CASZ1: variants seen among roughly 807,000 people sequenced by gnomAD.
CASZ1 encodes castor zinc finger 1, also known as zinc finger protein castor homolog 1.
In CASZ1, 28 loss-of-function variants were observed where a neutral mutation model predicts 135.2. The ratio of observed to expected loss-of-function variants is 0.21; its 90% CI spans 0.15 to 0.28. CASZ1 has a LOEUF of 0.28. Ranked by LOEUF, CASZ1 falls within the 10% of genes least tolerant of loss-of-function variation. The pLI, the probability that CASZ1 is intolerant of heterozygous loss-of-function variation, is 1.00. For missense variants in CASZ1, 2,161 were observed against 2,453.3 expected, an observed-to-expected ratio of 0.88 and a Z score of 2.52; for synonymous variants, 1,068 against 1,073.4, an observed-to-expected ratio of 0.99 and a Z score of 0.10.
chr1:10,756,690 G>A lies in CASZ1; in HGVS notation c.-77+4011C>T, dbSNP rs577092601. Among the ~76,000 whole-genome samples, 3 of 152,264 alleles carry A rather than the reference G, an allele frequency of 2.0e-5. No individual in the cohort carries two copies. The highest frequency in any genetic ancestry group is 2.1e-4 in the South Asian group (1 of 4,828). On this transcript the variant is annotated intron_variant, in intron 2 of 20. Transcript: ENST00000377022. This position sits in a 1 kb window ranked among gnomAD's most constrained non-coding sequence, Gnocchi z 5.9. The stretch of plus-strand genomic sequence containing the variant: ...AAGGGAGACTGGCCTTCAGGCGAGC[G>A]GGGTACTGGGGCAATTCACACCTTT...
intron 3 of CASZ1, chr1:10,704,183 G>A (rs892532328): frequency 1.3e-5 from 2 of 152,282 alleles, no homozygotes; most frequent in African/African-American, 4.8e-5. Context: ...ACGGCACTCA[G>A]ATCCTCATGG....
At chr1:10,686,486 G>C (rs1638595942) in intron 4 of CASZ1, among the ~76,000 whole-genome samples, 1 of 152,182 alleles carries the variant, frequency 6.6e-6, no homozygotes, top group Non-Finnish European at 1.5e-5. Context: ...AGGGGACCAA[G>C]GGCTGGGGAC....
chr1:10,745,954 C>T (rs545059669), intron 2 of CASZ1, among the ~76,000 whole-genome samples: 7 of 152,354 alleles, frequency 4.6e-5, no homozygotes, highest in East Asian at 1.9e-4. Flanking sequence ...GGCTTCCTCC[C>T]GCCCTGGGGG....
chr1:10,695,940 C>T (rs1057006585), intron 3 of CASZ1, among the ~76,000 whole-genome samples: 10 of 152,122 alleles, frequency 6.6e-5, no homozygotes, highest in African/African-American at 2.4e-4. Flanking sequence ...GCCCTCCTCG[C>T]CTCTCCCAGC....
chr1:10,665,703 G>C, intron 4 of CASZ1, 132 bp from the exon 5 acceptor site: 1 of 1,000,942 alleles, frequency 1.0e-6, no homozygotes, highest in Non-Finnish European at 1.4e-6. Flanking sequence ...ACTGCCCTGA[G>C]ACTGCCTGGC....
intron 1 of CASZ1, among the ~76,000 whole-genome samples, chr1:10,761,819 G>C (rs918136966): frequency 3.3e-5 from 5 of 152,192 alleles, no homozygotes; most frequent in African/African-American, 1.2e-4. Flanking sequence ...TCGTGGATGT[G>C]AGAATGGGGT....
In CASZ1 at chr1:10,725,564, T is replaced by C. The variant is rs943137102; in HGVS notation, c.-76-20020A>G. Among the ~76,000 whole-genome samples, 1 of 152,214 alleles carries C rather than the reference T, an allele frequency of 6.6e-6. No homozygotes were observed. The highest frequency in any genetic ancestry group is 2.1e-4 in the South Asian group (1 of 4,826). On this transcript the variant is annotated intron_variant, in intron 2 of 20. Transcript: ENST00000377022. The surrounding 1 kb of genome is among the most constrained non-coding windows in gnomAD (Gnocchi z 4.4). The stretch of plus-strand genomic sequence containing the variant: ...CAAAAAGAGTTCAGAATTTTAATGG[T>C]GTTGTAAGTAATTTTTAGGTAATCC...
chr1:10,714,193 C>T (rs1026006259), intron 2 of CASZ1, among the ~76,000 whole-genome samples: 8 of 151,934 alleles, frequency 5.3e-5, no homozygotes, highest in African/African-American at 1.9e-4. Flanking sequence ...GTAGTAGTCC[C>T]GCTACTGAGG....
intron 4 of CASZ1, among the ~76,000 whole-genome samples, chr1:10,672,457 C>T (rs957585806): frequency 6.6e-6 from 1 of 150,492 alleles, no homozygotes; most frequent in Non-Finnish European, 1.5e-5. Flanking sequence ...CTTCACTCGC[C>T]AGCCCGCGCT....
chr1:10,779,779 G>C (rs1349205952), intron 1 of CASZ1, among the ~76,000 whole-genome samples: 1 of 152,232 alleles, frequency 6.6e-6, no homozygotes, highest in Admixed American at 6.5e-5. Flanking sequence ...TCCTCGGGAT[G>C]ATAATTTGTA....
At position 10,661,014 on chromosome 1, in the gene CASZ1, G is replaced by A. The variant is rs1428523314; in HGVS notation, c.506-478C>T. 9 of 194,182 alleles carry A rather than the reference G, an allele frequency of 4.6e-5. 1 individual carries two copies. In the East Asian group the frequency reaches 1.3e-3, roughly 28 times the overall value. The allele number at this position is 194,182 out of a possible 1,614,324, so 12.0% of individuals were successfully genotyped here. On this transcript the variant is annotated intron_variant, in intron 5 of 20. Coordinates refer to ENST00000377022, the MANE Select transcript of CASZ1 (RefSeq NM_001079843.3). ...GGGGAAGATGCTCTGGCCGGGGTCGGGGTGGGCCTGGCTGGAGGACCTCCC... is the reference window on the plus strand; with the variant it reads ...GGGGAAGATGCTCTGGCCGGGGTCGAGGTGGGCCTGGCTGGAGGACCTCCC...
intron 1 of CASZ1, among the ~76,000 whole-genome samples, chr1:10,769,449 A>G (rs1461836184): frequency 1.3e-5 from 2 of 152,254 alleles, no homozygotes; most frequent in African/African-American, 2.4e-5. Context: ...CATCAGTGTA[A>G]AAAAGTTAAA....
chr1:10,738,107 C>T (rs1181709771), intron 2 of CASZ1, among the ~76,000 whole-genome samples: 1 of 152,168 alleles, frequency 6.6e-6, no homozygotes, highest in East Asian at 1.9e-4. Context: ...GACGAGCAAT[C>T]GAGCAACTAA....
chr1:10,738,982 T>C (rs553428305), intron 2 of CASZ1, among the ~76,000 whole-genome samples: 3 of 150,660 alleles, frequency 2.0e-5, no homozygotes, highest in Non-Finnish European at 4.4e-5. Flanking sequence ...AGCAATTTTA[T>C]GCTGTCAAAA....
At chr1:10,766,597 C>T (rs148129950) in intron 1 of CASZ1, among the ~76,000 whole-genome samples, 5 of 152,190 alleles carry the variant, frequency 3.3e-5, no homozygotes, top group East Asian at 3.9e-4. Context: ...ACCCGGGTAA[C>T]GAGCAGGTAC....
Position 10,648,143 on chromosome 1 carries a change from C to G in CASZ1, c.3159-4G>C. 3 of 1,484,622 alleles carry G rather than the reference C, an allele frequency of 2.0e-6. No individual in the cohort carries two copies. Among genetic ancestry groups the G allele is most frequent in the East Asian group, 2.5e-5 (1 of 39,900 alleles). 92.0% of individuals were successfully genotyped at this position (1,484,622 alleles called of 1,614,324 possible). A position where few individuals can be genotyped will look rare whatever the true frequency, so the allele number is the denominator to read the frequency against. ...TCCCTCTGTCCGGAAGTGGAAGCTG[C>G]GAGAGGTAGAAGAGGGGGTCTCATG... On this transcript the variant is annotated splice_polypyrimidine_tract_variant and splice_region_variant and intron_variant, in intron 15 of 20. Transcript: ENST00000377022.
chr1:10,654,406 GGCTCCC>G lies in CASZ1; in HGVS notation c.1838+7_1838+12del. On this transcript the variant is annotated splice_region_variant and intron_variant, in intron 10 of 20. Coordinates refer to ENST00000377022, the MANE Select transcript of CASZ1 (RefSeq NM_001079843.3). ...CTTCTGCCCACGAAGGCCCCCACCA[GGCTCCC>G]GCTTACCTGCAGTGGAAGTGCGTGG... The G allele has an allele frequency of 6.2e-7, 1 of 1,611,466 alleles. No individual in the cohort carries two copies. Among genetic ancestry groups the G allele is most frequent in the Admixed American group, 1.7e-5 (1 of 59,854 alleles).
In CASZ1 at chr1:10,640,047, G is replaced by T. The variant is rs775684437; in HGVS notation, c.4175C>A (p.Ser1392Tyr). The change falls in exon 21 of 21, where the codon TCT (serine) becomes TAT (tyrosine). Residue 1392 changes from serine (S) to tyrosine (Y), a missense_variant. This residue lies in a region of CASZ1 where 143 missense variants were observed against 128.3 expected (regional missense o/e 1.11). Coordinates refer to ENST00000377022, the MANE Select transcript of CASZ1 (RefSeq NM_001079843.3). ...NESTAAGNTI[S>Y]MPTASGAKKR... is the part of the protein sequence containing the mutation. Reference sequence around the variant, plus strand: ...TTTGGCCCCCGAGGCTGTCGGCATAGAGATGGTGTTCCCTGGGGAGGGGCA... The same window carrying T: ...TTTGGCCCCCGAGGCTGTCGGCATATAGATGGTGTTCCCTGGGGAGGGGCA... 2.5e-6 allele frequency: 4 copies of T among 1,606,926 alleles called. No individual in the cohort carries two copies. The highest frequency in any genetic ancestry group is 3.3e-5 in the Admixed American group (2 of 59,984).
intron 4 of CASZ1, among the ~76,000 whole-genome samples, chr1:10,668,001 GC>G (rs1643288505): frequency 6.6e-6 from 1 of 152,126 alleles, no homozygotes; most frequent in Non-Finnish European, 1.5e-5. Context: ...CCCTCCAGCT[GC>G]CGCGCTGCCC....
Sources: allele counts gnomAD v4.1 joint callset (sites outside exome capture counted in the v4.1 genomes callset), GRCh38; gene constraint gnomAD v4.1.1; regional missense constraint gnomAD v4.1.1; non-coding constraint Gnocchi (gnomAD v3.1); transcripts MANE v1.5; gene names NCBI Gene and HGNC (gene_info 2026-07-23, HGNC 2026-07-21).